Variants in FAT3 observed in about 807,000 individuals in gnomAD.
FAT3 encodes protocadherin Fat 3.
Under a neutral mutation model 310.2 loss-of-function variants are expected in FAT3, and 95 were observed. That is an observed-to-expected ratio of 0.31 (90% CI 0.26 to 0.36). The LOEUF (loss-of-function observed/expected upper bound fraction) is 0.36. Ranked by LOEUF, FAT3 falls within the 10% of genes least tolerant of loss-of-function variation. The probability of loss-of-function intolerance (pLI) is 1.00; values close to 1 mark genes in which losing one functional copy is unlikely to be tolerated. For missense variants in FAT3, 5,408 were observed against 5,715.6 expected (o/e 0.95, Z 1.74); for synonymous variants, 2,314 against 2,192.9 (o/e 1.06, Z -1.54).
chr11:92,444,669 G>A (rs913885781), intron 2 of FAT3, among the ~76,000 whole-genome samples: 4 of 133,440 alleles, frequency 3.0e-5, no homozygotes. Context: ...TGGGGGGGGG[G>A]GAAAACATAC....
intron 4 of FAT3, among the ~76,000 whole-genome samples, chr11:92,715,985 A>G (rs1237201058): frequency 6.6e-6 from 1 of 152,160 alleles, no homozygotes; most frequent in Non-Finnish European, 1.5e-5. Flanking sequence ...TTGATGAAAT[A>G]CAGAACCATA....
intron 2 of FAT3, among the ~76,000 whole-genome samples, chr11:92,492,054 G>A (rs138860397): frequency 6.6e-6 from 1 of 152,210 alleles, no homozygotes; most frequent in Non-Finnish European, 1.5e-5. Flanking sequence ...GTGGTACTCA[G>A]TGTGTTCTTA....
At chr11:92,277,386 T>C (rs1261418170) in intron 1 of FAT3, among the ~76,000 whole-genome samples, 1 of 151,992 alleles carries the variant, frequency 6.6e-6, no homozygotes, top group Non-Finnish European at 1.5e-5. Flanking sequence ...AATAAACTGA[T>C]CTATCAAAAA....
intron 13 of FAT3, among the ~76,000 whole-genome samples, chr11:92,815,846 C>A (rs904216052): frequency 6.6e-6 from 1 of 152,184 alleles, no homozygotes; most frequent in Non-Finnish European, 1.5e-5. Context: ...GGAATAAAGA[C>A]ATGTTTGCTC....
At chr11:92,534,816 T>A (rs1359697424) in intron 3 of FAT3, among the ~76,000 whole-genome samples, 1 of 152,206 alleles carries the variant, frequency 6.6e-6, no homozygotes, top group Non-Finnish European at 1.5e-5. Context: ...CATACAAATG[T>A]ATTTAACTGA....
intron 13 of FAT3, among the ~76,000 whole-genome samples, chr11:92,826,697 C>T (rs928168142): frequency 3.3e-5 from 5 of 152,188 alleles, no homozygotes; most frequent in African/African-American, 1.2e-4. Flanking sequence ...CACATTATTT[C>T]TTCCCAAGAT....
chr11:92,582,090 C>A (rs746759381), intron 3 of FAT3, among the ~76,000 whole-genome samples: 1 of 151,816 alleles, frequency 6.6e-6, no homozygotes, highest in Non-Finnish European at 1.5e-5. Flanking sequence ...AACTTCCTGA[C>A]GTTGTCATGG....
chr11:92,811,948 A>G (rs1238295749), intron 13 of FAT3, among the ~76,000 whole-genome samples: 1 of 152,206 alleles, frequency 6.6e-6, no homozygotes, highest in Admixed American at 6.5e-5. Flanking sequence ...CTAACAACAC[A>G]GACTGAGCAC....
intron 9 of FAT3, among the ~76,000 whole-genome samples, chr11:92,796,785 C>G (rs907934025): frequency 1.1e-4 from 16 of 152,246 alleles, no homozygotes; most frequent in African/African-American, 3.9e-4. Flanking sequence ...TCTTTACATA[C>G]TCCACATTGT....
At chr11:92,532,495 C>T (rs1382335417) in intron 3 of FAT3, among the ~76,000 whole-genome samples, 1 of 152,200 alleles carries the variant, frequency 6.6e-6, no homozygotes, top group African/African-American at 2.4e-5. Context: ...CTGCCTCTCA[C>T]TTCCCTCTGA....
intron 1 of FAT3, among the ~76,000 whole-genome samples, chr11:92,261,507 C>T (rs903966075): frequency 9.2e-5 from 14 of 152,066 alleles, no homozygotes; most frequent in African/African-American, 2.9e-4. Flanking sequence ...TTTTCTCTTG[C>T]TCTTTTTGTC....
rs898019270 is a variant in FAT3, at chr11:92,453,622, A to G, written c.3293-71012A>G. On this transcript the variant is annotated intron_variant, in intron 2 of 27. Coordinates refer to ENST00000525166, the MANE Select transcript of FAT3 (RefSeq NM_001367949.2). ...GTCTAGCTCTGAGAAGTCCTTCACT[A>G]AAGAAATGTACTTTATTTAAACTCA... Among the ~76,000 whole-genome samples, 3 of 152,170 alleles carry G rather than the reference A, an allele frequency of 2.0e-5. 1 individual carries two copies. The highest frequency in any genetic ancestry group is 4.4e-5 in the Non-Finnish European group (3 of 68,038).
intron 2 of FAT3, among the ~76,000 whole-genome samples, chr11:92,412,847 C>T (rs1431161528): frequency 3.3e-5 from 5 of 149,922 alleles, no homozygotes; most frequent in Admixed American, 6.7e-5. Flanking sequence ...TTCCCATATA[C>T]CCCCCTACAC....
At chr11:92,797,620 T>C (rs994705169) in intron 9 of FAT3, among the ~76,000 whole-genome samples, 2 of 152,180 alleles carry the variant, frequency 1.3e-5, no homozygotes, top group African/African-American at 2.4e-5. Context: ...AAGTTACTGA[T>C]CTGAAATTTA....
intron 2 of FAT3, among the ~76,000 whole-genome samples, chr11:92,509,793 G>A (rs1953232682): frequency 6.6e-6 from 1 of 152,100 alleles, no homozygotes; most frequent in Non-Finnish European, 1.5e-5. Context: ...CTGCTTTGGG[G>A]TGAAAATAAT....
At chr11:92,802,796 A>G (rs1294501067) in intron 10 of FAT3, among the ~76,000 whole-genome samples, 5 of 152,242 alleles carry the variant, frequency 3.3e-5, no homozygotes, top group Non-Finnish European at 7.3e-5. Flanking sequence ...GAAAAACTAC[A>G]TCATTCAGAG....
intron 1 of FAT3, among the ~76,000 whole-genome samples, chr11:92,237,434 G>C (rs1179618022): frequency 6.6e-6 from 1 of 152,072 alleles, no homozygotes. Flanking sequence ...TGGGACTAGG[G>C]ACTTTTCCCT....
At chr11:92,845,906 C>A (rs192183803) in intron 19 of FAT3, among the ~76,000 whole-genome samples, 1 of 152,216 alleles carries the variant, frequency 6.6e-6, no homozygotes, top group East Asian at 1.9e-4. Context: ...CTCCAAGCAG[C>A]CCATCAGTGT....
intron 11 of FAT3, among the ~76,000 whole-genome samples, chr11:92,805,949 A>C (rs1282319111): frequency 6.6e-6 from 1 of 152,232 alleles, no homozygotes; most frequent in Non-Finnish European, 1.5e-5. Context: ...TTAATCTCTC[A>C]TACTAATGCC....
Sources: gnomAD v4.1 joint callset for allele counts (sites outside exome capture counted in the v4.1 genomes callset) on GRCh38, gnomAD v4.1.1 for gene constraint, MANE v1.5 for transcripts, NCBI Gene and HGNC (gene_info 2026-07-23, HGNC 2026-07-21) for gene names.